CD244: variants seen among roughly 807,000 people sequenced by gnomAD.
CD244 encodes natural killer cell receptor 2B4.
A neutral mutation model predicts 45.5 loss-of-function variants in CD244; 20 were observed. The observed-to-expected ratio is 0.44, with a 90% CI of 0.31 to 0.64. The LOEUF (loss-of-function observed/expected upper bound fraction) is 0.64, where lower values mean the gene tolerates loss of function less well. Among genes scored for constraint, CD244 ranks in the 30% least tolerant of loss-of-function variants. CD244 has a pLI of 0.08. For missense variants in CD244, 407 were observed against 426.9 expected, an observed-to-expected ratio of 0.95 and a Z score of 0.41; for synonymous variants, 185 against 160.5, an observed-to-expected ratio of 1.15 and a Z score of -1.15.
At chr1:160,843,708 T>C (rs1669627677) in intron 1 of CD244, among the ~76,000 whole-genome samples, 1 of 152,168 alleles carries the variant, frequency 6.6e-6, no homozygotes, top group African/African-American at 2.4e-5. Flanking sequence ...ATGAACAACA[T>C]GTAAAAGCAC....
chr1:160,838,804 A>G, intron 4 of CD244, 135 bp downstream of exon 4: 1 of 652,374 alleles, frequency 1.5e-6, no homozygotes, highest in Non-Finnish European at 2.6e-6. Context: ...CCCCGCCACC[A>G]CGCACACAAA....
intron 1 of CD244, among the ~76,000 whole-genome samples, chr1:160,849,931 G>A (rs773456290): frequency 2.0e-5 from 3 of 152,070 alleles, no homozygotes; most frequent in Admixed American, 2.0e-4. Flanking sequence ...AGAATCACTT[G>A]AACCCGGGAA....
At chr1:160,844,026 C>T (rs1669637467) in intron 1 of CD244, among the ~76,000 whole-genome samples, 1 of 152,212 alleles carries the variant, frequency 6.6e-6, no homozygotes, top group Non-Finnish European at 1.5e-5. Context: ...GAGAAATGAA[C>T]AGCCCTCACA....
At chr1:160,850,464 C>A (rs997144537) in intron 1 of CD244, among the ~76,000 whole-genome samples, 1 of 152,020 alleles carries the variant, frequency 6.6e-6, no homozygotes, top group African/African-American at 2.4e-5. Flanking sequence ...TAGAAATTAA[C>A]AAGTTGATTC....
intron 1 of CD244, among the ~76,000 whole-genome samples, chr1:160,844,483 G>A (rs926678982): frequency 6.6e-6 from 1 of 152,064 alleles, no homozygotes; most frequent in Admixed American, 6.5e-5. Flanking sequence ...CTTGGAACTG[G>A]GCTGGTCTTC....
At chr1:160,847,004 A>G (rs1204684368) in intron 1 of CD244, among the ~76,000 whole-genome samples, 1 of 152,150 alleles carries the variant, frequency 6.6e-6, no homozygotes, top group African/African-American at 2.4e-5. Context: ...AGAAATGAGA[A>G]GGGAATCAAA....
chr1:160,838,065 C>T (rs996873823), intron 5 of CD244, among the ~76,000 whole-genome samples: 14 of 152,348 alleles, frequency 9.2e-5, no homozygotes, highest in Non-Finnish European at 1.9e-4. Flanking sequence ...GGTCACACTT[C>T]CCAGCCTGTG....
chr1:160,844,326 T>G (rs1453869193), intron 1 of CD244, among the ~76,000 whole-genome samples: 1 of 152,190 alleles, frequency 6.6e-6, no homozygotes, highest in Non-Finnish European at 1.5e-5. Context: ...TTTAAAGTAA[T>G]CATGTCTAAT....
At chr1:160,836,318 G>T (rs141666944) in intron 5 of CD244, 64 bp from the exon 6 acceptor site, 2 of 1,315,090 alleles carry the variant, frequency 1.5e-6, no homozygotes, top group African/African-American at 1.4e-5. Context: ...TTTAGATTGA[G>T]TGGGGAAAAA....
At position 160,859,757 on chromosome 1, in the gene CD244, A is replaced by G. The variant is rs528118734; in HGVS notation, c.61+2860T>C. 1.3e-3 allele frequency among the ~76,000 whole-genome samples: 204 copies of G among 151,904 alleles called. 1 individual carries two copies. Among genetic ancestry groups the G allele is most frequent in the African/African-American group, 4.1e-3 (169 of 41,386 alleles). On this transcript the variant is annotated intron_variant, in intron 1 of 8. Transcript: ENST00000368034. ...CCCTGTATCTACAAAAAAAAAAAAA[A>G]AAATTAGCCAGGCATGGTGGCACAG...
intron 5 of CD244, among the ~76,000 whole-genome samples, chr1:160,837,683 G>T (rs1384147083): frequency 1.3e-5 from 2 of 152,180 alleles, no homozygotes; most frequent in Non-Finnish European, 2.9e-5. Flanking sequence ...AGCGCCAGGG[G>T]GCAGTGGAAA....
chr1:160,835,157 G>A lies in CD244; in HGVS notation c.894+1038C>T, dbSNP rs991482102. ...TTTTATTACTGGCCACCAGGAGGCA[G>A]TGTTTCCCTTGGGAGAGATGTCCCA... On this transcript the variant is annotated intron_variant, in intron 6 of 8. Transcript: ENST00000368034. Among the ~76,000 whole-genome samples the A allele has an allele frequency of 4.6e-5, 7 of 152,096 alleles. 1 individual carries two copies. Among genetic ancestry groups the A allele is most frequent in the Non-Finnish European group, 1.5e-5 (1 of 68,028 alleles).
chr1:160,842,762 CT>C (rs1186111810), intron 1 of CD244, among the ~76,000 whole-genome samples: 1 of 152,190 alleles, frequency 6.6e-6, no homozygotes, highest in Admixed American at 6.5e-5. Context: ...TAAAACTACA[CT>C]TCCCAGGCAG....
In CD244 at chr1:160,841,272, T is replaced by C. The variant is rs1362271027; in HGVS notation, c.593A>G (p.Asn198Ser). 12 of 1,614,114 alleles carry C rather than the reference T, an allele frequency of 7.4e-6. No individual in the cohort carries two copies. The highest frequency in any genetic ancestry group is 9.3e-6 in the Non-Finnish European group (11 of 1,180,044). Residue 198 changes from asparagine to serine, a missense_variant, in exon 3 of 9, where the codon AAT (asparagine) becomes AGT (serine). By Grantham distance (46) the Asn-to-Ser change is conservative. Coordinates refer to ENST00000368034, the MANE Select transcript of CD244 (RefSeq NM_016382.4). ...GGTGTGGCTTTCCCAGCTAACAGGA[T>C]TGCTGACATTGCAGGTATATGTGTG... ...GTHTYTCNVS[N>S]PVSWESHTLN...
At position 160,862,666 on chromosome 1, in the gene CD244, T is replaced by C. The variant is rs151127237; in HGVS notation, c.12A>G (p.Gln4=). Residue 4 remains glutamine, a synonymous_variant, in exon 1 of 9, where the codon CAA becomes CAG. Coordinates refer to ENST00000368034, the MANE Select transcript of CD244 (RefSeq NM_016382.4). ...GCAGGAGGAGTATGAGGGTGACCAC[T>C]TGCCCCAGCATTTCCACAGGACAGA... MLG[Q]VVTLILLLLL... The C allele has an allele frequency of 2.7e-4, 431 of 1,613,878 alleles. No homozygotes were observed. The highest frequency in any genetic ancestry group is 3.5e-4 in the Non-Finnish European group (414 of 1,179,914).
Position 160,837,998 on chromosome 1 carries a change from C to G in CD244, c.834+453G>C, listed in dbSNP as rs3766380. ...CTCAGCCACACTCAGGCCTCTTCTT[C>G]CAAAAGGCTGTGAATGCAGCCTATT... On this transcript the variant is annotated intron_variant, in intron 5 of 8. Transcript: ENST00000368034. Among the ~76,000 whole-genome samples, 1,094 of 152,332 alleles carry G rather than the reference C, an allele frequency of 7.2e-3. 57 individuals carry two copies. The highest frequency in any genetic ancestry group is 0.062 in the Admixed American group (945 of 15,304).
chr1:160,834,386 C>T (rs570316413), intron 6 of CD244, among the ~76,000 whole-genome samples: 5 of 152,268 alleles, frequency 3.3e-5, no homozygotes, highest in Admixed American at 2.0e-4. Context: ...ACAAGAGTTT[C>T]GCTCTATTGC....
rs767968415 is a variant in CD244, at chr1:160,834,090, A to G, written c.921T>C (p.Pro307=). The part of the protein sequence containing the change: ...SQSSAPTSQE[P]AYTLYSLIQP... The stretch of plus-strand genomic sequence containing the variant: ...GAATTAATGAATATAATGTATATGC[A>G]GGTTCTTGTGACGTGGGAGCAGAAG... The change falls in exon 7 of 9, where the codon CCT becomes CCC. Residue 307 remains proline (P), a synonymous_variant. Coordinates refer to ENST00000368034, the MANE Select transcript of CD244 (RefSeq NM_016382.4). 4.3e-6 allele frequency: 7 copies of G among 1,611,786 alleles called. No individual in the cohort carries two copies. Among genetic ancestry groups the G allele is most frequent in the Non-Finnish European group, 5.1e-6 (6 of 1,177,852 alleles).
chr1:160,844,167 A>G (rs1006249452), intron 1 of CD244, among the ~76,000 whole-genome samples: 1 of 152,236 alleles, frequency 6.6e-6, no homozygotes, highest in African/African-American at 2.4e-5. Context: ...AACATCAACC[A>G]GAGCATTAAA....
Sources: gnomAD v4.1 joint callset for allele counts (sites outside exome capture counted in the v4.1 genomes callset) on GRCh38, gnomAD v4.1.1 for gene constraint, MANE v1.5 for transcripts, NCBI Gene and HGNC (gene_info 2026-07-23, HGNC 2026-07-21) for gene names.